PACRG: variants seen among roughly 807,000 people sequenced by gnomAD.
PACRG encodes parkin coregulated, also known as parkin coregulated gene protein.
Under a neutral mutation model 29.7 loss-of-function variants are expected in PACRG, and 29 were observed. The ratio of observed to expected loss-of-function variants is 0.98; its 90% CI spans 0.73 to 1.33. The LOEUF (loss-of-function observed/expected upper bound fraction) is 1.33, where lower values mean the gene tolerates loss of function less well. PACRG is among the 40% of genes most tolerant of loss of function. PACRG has a pLI of 0.00. For missense variants in PACRG, 279 were observed against 316.2 expected, an observed-to-expected ratio of 0.88 and a Z score of 0.89; for synonymous variants, 116 against 118.7, an observed-to-expected ratio of 0.98 and a Z score of 0.15.
intron 3 of PACRG, among the ~76,000 whole-genome samples, chr6:163,068,675 AT>A (rs1312831936): frequency 6.6e-6 from 1 of 150,698 alleles, no homozygotes; most frequent in Non-Finnish European, 1.5e-5. Context: ...CTTTTTGTTC[AT>A]TTTTTCCTAC....
At chr6:162,731,567 G>A (rs1266326193) in intron 1 of PACRG, among the ~76,000 whole-genome samples, 6 of 151,950 alleles carry the variant, frequency 3.9e-5, no homozygotes, top group Admixed American at 2.0e-4. Flanking sequence ...TTGAGCATCT[G>A]AAGATTTTGG....
intron 3 of PACRG, among the ~76,000 whole-genome samples, chr6:163,065,460 C>T (rs536222309): frequency 2.6e-5 from 4 of 152,144 alleles, no homozygotes; most frequent in South Asian, 4.2e-4. Flanking sequence ...GGGATTCTTC[C>T]AAAACAGCGG....
chr6:162,746,611 G>A (rs1781004488), intron 1 of PACRG, among the ~76,000 whole-genome samples: 1 of 152,112 alleles, frequency 6.6e-6, no homozygotes, highest in African/African-American at 2.4e-5. Context: ...GACGTTTTAG[G>A]CAGTCATCAA....
chr6:163,314,562 A>G (rs1378634580), intron 4 of PACRG, among the ~76,000 whole-genome samples: 7 of 152,112 alleles, frequency 4.6e-5, no homozygotes, highest in Non-Finnish European at 1.0e-4. Context: ...AGAGTCCCCG[A>G]CTTGTCATCT....
At chr6:163,253,170 T>C (rs946841780) in intron 4 of PACRG, among the ~76,000 whole-genome samples, 1 of 151,582 alleles carries the variant, frequency 6.6e-6, no homozygotes, top group Non-Finnish European at 1.5e-5. Context: ...CATGGTGGCG[T>C]GTTCCTATAA....
Position 163,312,669 on chromosome 6 carries a change from T to G in PACRG, c.614-2158T>G, listed in dbSNP as rs890936038. 147 of 313,376 alleles carry G rather than the reference T, an allele frequency of 4.7e-4. 2 individuals are homozygous for G. Among genetic ancestry groups the G allele is most frequent in the South Asian group, 3.4e-3 (144 of 42,614 alleles). 19.4% of individuals were successfully genotyped at this position (313,376 alleles called of 1,614,324 possible). ...TTTACATGTTTGTTTTTACAAAGTG[T>G]ATCGTTGTTTTCCTCAAAAACAATA... On this transcript the variant is annotated intron_variant, in intron 4 of 4. Coordinates refer to ENST00000366888, the MANE Select transcript of PACRG (RefSeq NM_001080379.2).
intron 4 of PACRG, among the ~76,000 whole-genome samples, chr6:163,296,276 G>A (rs1163684642): frequency 6.6e-6 from 1 of 152,032 alleles, no homozygotes; most frequent in Non-Finnish European, 1.5e-5. Context: ...AGTATTTTGA[G>A]TAATTTTCTT....
intron 2 of PACRG, among the ~76,000 whole-genome samples, chr6:163,002,033 T>G (rs1804635736): frequency 6.6e-6 from 1 of 152,236 alleles, no homozygotes; most frequent in Non-Finnish European, 1.5e-5. Flanking sequence ...ACCCTGGCTA[T>G]AATATTAAAA....
intron 4 of PACRG, among the ~76,000 whole-genome samples, chr6:163,133,015 G>A (rs1585252322): frequency 6.6e-6 from 1 of 152,310 alleles, no homozygotes; most frequent in African/African-American, 2.4e-5. Flanking sequence ...CTATACCAAA[G>A]TAACAGAATA....
intron 4 of PACRG, among the ~76,000 whole-genome samples, chr6:163,110,747 C>A (rs901373223): frequency 1.3e-5 from 2 of 152,186 alleles, no homozygotes; most frequent in Non-Finnish European, 2.9e-5. Flanking sequence ...GCCCCTCAGA[C>A]CTGTTGTGTT....
At chr6:162,960,238 C>T (rs1036594917) in intron 2 of PACRG, among the ~76,000 whole-genome samples, 1 of 152,182 alleles carries the variant, frequency 6.6e-6, no homozygotes, top group African/African-American at 2.4e-5. Flanking sequence ...CCATTTGACC[C>T]AACAATCCCA....
chr6:162,981,647 T>C (rs2128172652), intron 2 of PACRG, among the ~76,000 whole-genome samples: 1 of 152,282 alleles, frequency 6.6e-6, no homozygotes, highest in Admixed American at 6.5e-5. Context: ...ATTTTCACAA[T>C]ATTGATTCTA....
At chr6:163,080,269 T>A (rs1157448394) in intron 3 of PACRG, among the ~76,000 whole-genome samples, 1 of 152,110 alleles carries the variant, frequency 6.6e-6, no homozygotes, top group Non-Finnish European at 1.5e-5. Context: ...TGGTGCTAAC[T>A]CCTTCCTTTG....
At chr6:162,861,044 A>T (rs576145494) in intron 2 of PACRG, among the ~76,000 whole-genome samples, 36 of 150,958 alleles carry the variant, frequency 2.4e-4, no homozygotes, top group Non-Finnish European at 2.5e-4. Context: ...CGGGGAGAAA[A>T]ACAATGGACA....
rs1381354834 is a variant in PACRG, at chr6:162,970,215, C to G, written c.292-91935C>G. 3.9e-5 allele frequency among the ~76,000 whole-genome samples: 6 copies of G among 152,112 alleles called. No individual in the cohort carries two copies. In the South Asian group the frequency reaches 1.2e-3, roughly 32 times the overall value. Reference sequence around the variant, plus strand: ...ATCACCAAAATTCCAGCTCTAAAATCCCCCAGGCTGTGCAGATGCCACCTA... The same window carrying G: ...ATCACCAAAATTCCAGCTCTAAAATGCCCCAGGCTGTGCAGATGCCACCTA... On this transcript the variant is annotated intron_variant, in intron 2 of 4. Coordinates refer to ENST00000366888, the MANE Select transcript of PACRG (RefSeq NM_001080379.2).
chr6:162,772,896 T>A (rs1031822158), intron 1 of PACRG, among the ~76,000 whole-genome samples: 5 of 152,194 alleles, frequency 3.3e-5, no homozygotes, highest in Non-Finnish European at 7.3e-5. Context: ...ATTAAAGTGT[T>A]GAGAGTTAAT....
chr6:163,096,187 A>C (rs1814567673), intron 4 of PACRG, among the ~76,000 whole-genome samples: 3 of 152,104 alleles, frequency 2.0e-5, no homozygotes, highest in Admixed American at 6.5e-5. Context: ...CTGCAAACTA[A>C]CCAGAGATGG....
At chr6:162,968,531 C>T (rs1488430705) in intron 2 of PACRG, among the ~76,000 whole-genome samples, 1 of 152,148 alleles carries the variant, frequency 6.6e-6, no homozygotes, top group African/African-American at 2.4e-5. Context: ...TCAAACCAAA[C>T]TTAAAGCAGT....
intron 4 of PACRG, among the ~76,000 whole-genome samples, chr6:163,196,641 TGAAA>T (rs780150885): frequency 2.0e-5 from 3 of 152,198 alleles, no homozygotes; most frequent in Non-Finnish European, 2.9e-5. Flanking sequence ...GATGGTTTCT[TGAAA>T]GAGTCACTTA....
Sources: allele counts gnomAD v4.1 joint callset (sites outside exome capture counted in the v4.1 genomes callset), GRCh38; gene constraint gnomAD v4.1.1; transcripts MANE v1.5; gene names NCBI Gene and HGNC (gene_info 2026-07-23, HGNC 2026-07-21).